CFAP74: variants seen among roughly 807,000 people sequenced by gnomAD.
CFAP74 encodes the protein cilia and flagella associated protein 74.
CFAP74 carries 124 observed loss-of-function variants against 188.9 expected under a neutral mutation model. The ratio of observed to expected loss-of-function variants is 0.66; its 90% CI spans 0.57 to 0.76. The LOEUF (loss-of-function observed/expected upper bound fraction) is 0.76. CFAP74 is among the 30% of genes least tolerant of loss of function. The probability of loss-of-function intolerance (pLI) is 0.00; values close to 1 mark genes in which losing one functional copy is unlikely to be tolerated. For synonymous variants in CFAP74, 956 were observed against 916.7 expected, an observed-to-expected ratio of 1.04 and a Z score of -0.77; for missense variants, 2,198 against 2,165.2, an observed-to-expected ratio of 1.02 and a Z score of -0.30.
At chr1:1,925,013 CGCT>C (rs1651750285) in intron 33 of CFAP74, among the ~76,000 whole-genome samples, 1 of 148,318 alleles carries the variant, frequency 6.7e-6, no homozygotes, top group African/African-American at 2.6e-5. Flanking sequence ...TGAGGGCACA[CGCT>C]GGTGTGAAGG....
At chr1:2,001,458 T>C (rs983148305) in intron 1 of CFAP74, among the ~76,000 whole-genome samples, 1 of 151,702 alleles carries the variant, frequency 6.6e-6, no homozygotes, top group African/African-American at 2.4e-5. Flanking sequence ...GCCTCCCGAG[T>C]AGCTGGGACT....
At chr1:1,980,019 G>A (rs1656729464) in intron 6 of CFAP74, among the ~76,000 whole-genome samples, 1 of 151,348 alleles carries the variant, frequency 6.6e-6, no homozygotes, top group Non-Finnish European at 1.5e-5. Flanking sequence ...TCATGGGAGA[G>A]GCCCAAAGGC....
chr1:1,951,754 T>C (rs778290866), intron 18 of CFAP74, among the ~76,000 whole-genome samples: 4 of 152,332 alleles, frequency 2.6e-5, no homozygotes, highest in South Asian at 4.1e-4. Flanking sequence ...AGTGTTCCAA[T>C]GGTTAGTTCC....
chr1:1,991,956 T>C (rs186389814), intron 1 of CFAP74, among the ~76,000 whole-genome samples: 1,821 of 149,582 alleles, frequency 0.012, 30 homozygotes, highest in African/African-American at 0.04. Context: ...AGGAGAATGG[T>C]GTGAACCCAG....
At chr1:1,992,156 A>T (rs1439567369) in intron 1 of CFAP74, among the ~76,000 whole-genome samples, 1 of 152,068 alleles carries the variant, frequency 6.6e-6, no homozygotes, top group Non-Finnish European at 1.5e-5. Context: ...ACTCTGGAAC[A>T]CTGTTGGGCA....
At chr1:2,001,883 T>C (rs1658227774) in intron 1 of CFAP74, among the ~76,000 whole-genome samples, 1 of 152,184 alleles carries the variant, frequency 6.6e-6, no homozygotes, top group Non-Finnish European at 1.5e-5. Flanking sequence ...AATTGGCCCA[T>C]GACCTTCAGA....
At chr1:1,979,333 C>G (rs372973078) in intron 6 of CFAP74, among the ~76,000 whole-genome samples, 1 of 76,496 alleles carries the variant, frequency 1.3e-5, no homozygotes, top group Non-Finnish European at 3.2e-5. Flanking sequence ...GGGAAGGCAT[C>G]ATGTGACAAG....
chr1:1,969,683 C>T (rs1457040984), intron 10 of CFAP74, among the ~76,000 whole-genome samples: 11 of 152,332 alleles, frequency 7.2e-5, no homozygotes, highest in South Asian at 2.1e-4. Context: ...GATGTATAGG[C>T]GGTGGAGCTG....
At chr1:1,927,078 C>T (rs1163974825) in intron 28 of CFAP74, 50 bp from the exon 29 acceptor site, 31 of 1,547,330 alleles carry the variant, frequency 2.0e-5, no homozygotes, top group South Asian at 1.3e-4. Flanking sequence ...CACCCACCAT[C>T]GGCCCAGGCC....
Position 1,942,031 on chromosome 1 carries a change from G to C in CFAP74, c.2612C>G (p.Pro871Arg). Residue 871 changes from proline (P) to arginine (R), a missense_variant, in exon 22 of 39, where the codon CCG becomes CGG. Pro to Arg is a moderately radical substitution (Grantham distance 103). Coordinates refer to ENST00000682832, the MANE Select transcript of CFAP74 (RefSeq NM_001304360.2). The surrounding 1 kb of genome is among the most constrained non-coding windows in gnomAD (Gnocchi z 4.3). The part of the protein sequence containing the change: ...SSYSVQLKFL[P>R]RHSLPEDAGR... ...GCCTTGGCGTCCTGGCACCTACCGC[G>C]GCAGGAACTTGAGCTGCACGGAGTA... 1 of 1,499,764 alleles carries C rather than the reference G, an allele frequency of 6.7e-7. No homozygotes were observed. The highest frequency in any genetic ancestry group is 8.8e-7 in the Non-Finnish European group (1 of 1,130,374). The allele number at this position is 1,499,764 out of a possible 1,614,324, so 92.9% of individuals were successfully genotyped here. A position where few individuals can be genotyped will look rare whatever the true frequency, so the allele number is the denominator to read the frequency against.
chr1:1,945,557 G>A (rs1340763512), intron 20 of CFAP74, among the ~76,000 whole-genome samples: 1 of 152,144 alleles, frequency 6.6e-6, no homozygotes, highest in African/African-American at 2.4e-5. Context: ...GCTGGGCACG[G>A]TGGCTCACTC....
chr1:1,936,563 A>T (rs1652912343), intron 25 of CFAP74, among the ~76,000 whole-genome samples: 1 of 151,636 alleles, frequency 6.6e-6, no homozygotes, highest in African/African-American at 2.4e-5. Flanking sequence ...ACAAAAAAAG[A>T]AAAAAAAGAA....
At position 1,938,946 on chromosome 1, in the gene CFAP74, G is replaced by T; in HGVS notation, c.2920C>A (p.Pro974Thr). Reference protein sequence around the residue: ...QPNDGFGTILPLETLQFCVIF... With the variant: ...QPNDGFGTILTLETLQFCVIF... ...ACACAGAACTGCAGCGTTTCCAGGGGCAGGATCGTCCCAAACCCATCGTTG... is the reference window on the plus strand; with the variant it reads ...ACACAGAACTGCAGCGTTTCCAGGGTCAGGATCGTCCCAAACCCATCGTTG... Residue 974 changes from proline to threonine, a missense_variant, in exon 25 of 39, where the codon CCC becomes ACC. Pro to Thr is a conservative substitution (Grantham distance 38). Coordinates refer to ENST00000682832, the MANE Select transcript of CFAP74 (RefSeq NM_001304360.2). The T allele has an allele frequency of 6.5e-7, 1 of 1,536,142 alleles. No homozygotes were observed. The highest frequency in any genetic ancestry group is 2.4e-5 in the East Asian group (1 of 40,916).
intron 14 of CFAP74, among the ~76,000 whole-genome samples, chr1:1,962,548 G>A (rs989423078): frequency 4.0e-5 from 6 of 150,810 alleles, no homozygotes; most frequent in African/African-American, 4.9e-5. Context: ...ACATGGAAAA[G>A]GCCGTCAGAG....
chr1:1,977,377 C>T (rs906116371), intron 6 of CFAP74, among the ~76,000 whole-genome samples: 2 of 152,262 alleles, frequency 1.3e-5, no homozygotes, highest in Middle Eastern at 3.4e-3. Context: ...TCTGCATATC[C>T]GTCCACAGGG....
chr1:1,960,607 A>G (rs1325119817), intron 14 of CFAP74, among the ~76,000 whole-genome samples: 5 of 152,238 alleles, frequency 3.3e-5, no homozygotes, highest in Non-Finnish European at 7.3e-5. Context: ...TCCTGACGCC[A>G]GGCTGATTTC....
rs1246446828 is a variant in CFAP74, at chr1:1,932,093, A to AAAAAC, written c.3012-1758_3012-1757insGTTTT. Among the ~76,000 whole-genome samples, 1,127 of 138,824 alleles carry AAAAAC rather than the reference A, an allele frequency of 8.1e-3. 30 individuals carry two copies. Among genetic ancestry groups the AAAAAC allele is most frequent in the African/African-American group, 0.028 (1,075 of 37,742 alleles). The allele number at this position is 138,824 out of a possible 152,430, so 91.1% of individuals were successfully genotyped here. A position where few individuals can be genotyped will look rare whatever the true frequency, so the allele number is the denominator to read the frequency against. On this transcript the variant is annotated intron_variant, in intron 25 of 38. Coordinates refer to ENST00000682832, the MANE Select transcript of CFAP74 (RefSeq NM_001304360.2). ...AAAAAAAAAAAACAAAAAACAAAAA[A>AAAAAC]CAAAAAACTTAGAAAAATGTAGGCC...
At position 1,990,985 on chromosome 1, in the gene CFAP74, A is replaced by C. The variant is rs1171572897; in HGVS notation, c.-19-10T>G. On this transcript the variant is annotated splice_polypyrimidine_tract_variant and intron_variant, in intron 1 of 38. Transcript: ENST00000682832. ...GGGAGATAGAAATTAGCTGCAAAAG[A>C]TGATCGCAAAATATAGATCAATAAA... 5.1e-6 allele frequency: 8 copies of C among 1,561,238 alleles called. No homozygotes were observed. The highest frequency in any genetic ancestry group is 7.0e-6 in the Non-Finnish European group (8 of 1,141,356).
intron 1 of CFAP74, among the ~76,000 whole-genome samples, chr1:1,993,920 T>G (rs1243006756): frequency 1.3e-5 from 2 of 149,530 alleles, no homozygotes; most frequent in Non-Finnish European, 3.0e-5. Context: ...AGGCGGAGCT[T>G]GCAGTGAGCC....
Sources: allele counts gnomAD v4.1 joint callset (sites outside exome capture counted in the v4.1 genomes callset), GRCh38; gene constraint gnomAD v4.1.1; non-coding constraint Gnocchi (gnomAD v3.1); transcripts MANE v1.5; gene names NCBI Gene and HGNC (gene_info 2026-07-23, HGNC 2026-07-21).